The following SPIDR variants were observed in gnomAD, a reference collection of about 807,000 sequenced individuals.
SPIDR encodes the protein DNA repair-scaffolding protein.
A neutral mutation model predicts 104.6 loss-of-function variants in SPIDR; 93 were observed. The ratio of observed to expected loss-of-function variants is 0.89; its 90% CI spans 0.75 to 1.06. The LOEUF (loss-of-function observed/expected upper bound fraction) is 1.06, where lower values mean the gene tolerates loss of function less well. Ranked by LOEUF, SPIDR falls within the 50% of genes least tolerant of loss-of-function variation. SPIDR has a pLI of 0.00. For synonymous variants in SPIDR, 431 were observed against 416.9 expected (o/e 1.03, Z -0.41); for missense variants, 1,154 against 1,111.2 (o/e 1.04, Z -0.55).
intron 8 of SPIDR, among the ~76,000 whole-genome samples, chr8:47,502,153 C>T (rs1045461535): frequency 2.6e-5 from 4 of 152,194 alleles, no homozygotes; most frequent in Non-Finnish European, 4.4e-5. Context: ...ATGCTGGCCT[C>T]ATAAAATGAG....
chr8:47,494,060 C>T (rs1316092728), intron 8 of SPIDR, among the ~76,000 whole-genome samples: 1 of 151,810 alleles, frequency 6.6e-6, no homozygotes, highest in East Asian at 2.0e-4. Flanking sequence ...ACAGTTATAC[C>T]TCACTGCAGC....
At chr8:47,396,831 G>A (rs563232676) in intron 6 of SPIDR, among the ~76,000 whole-genome samples, 6 of 152,170 alleles carry the variant, frequency 3.9e-5, no homozygotes, top group Non-Finnish European at 8.8e-5. Context: ...ATTTATTTGG[G>A]TTATCAAATG....
rs1323727737 is a variant in SPIDR at position 47,260,976 on chromosome 8, C to G, written c.18C>G (p.Arg6=). MPRGS[R]ARGSKRKRSW... is the part of the protein sequence containing the mutation. ...TCCCGGAGATGCCCCGCGGCAGCCG[C>G]GCTCGGGGCTCTAAGGTAGGCTCTG... The change falls in exon 1 of 20, where the codon CGC becomes CGG. Residue 6 remains arginine (R), a synonymous_variant. Coordinates refer to ENST00000297423, the MANE Select transcript of SPIDR (RefSeq NM_001080394.4). 1 of 1,230,434 alleles carries G rather than the reference C, an allele frequency of 8.1e-7. No individual in the cohort carries two copies. The highest frequency in any genetic ancestry group is 1.0e-6 in the Non-Finnish European group (1 of 986,884). 76.2% of individuals were successfully genotyped at this position (1,230,434 alleles called of 1,614,324 possible).
At chr8:47,530,945 G>C (rs1229771548) in intron 8 of SPIDR, among the ~76,000 whole-genome samples, 1 of 150,504 alleles carries the variant, frequency 6.6e-6, no homozygotes, top group Admixed American at 6.6e-5. Flanking sequence ...GCAAGGTTGT[G>C]CATCCCCCAG....
intron 8 of SPIDR, among the ~76,000 whole-genome samples, chr8:47,526,792 A>G (rs749576308): frequency 3.3e-5 from 5 of 152,224 alleles, no homozygotes; most frequent in African/African-American, 4.8e-5. Context: ...TGTCTTCACA[A>G]TAAGAAAAAG....
intron 3 of SPIDR, among the ~76,000 whole-genome samples, chr8:47,289,486 A>G (rs2039503384): frequency 6.6e-6 from 1 of 152,208 alleles, no homozygotes; most frequent in Non-Finnish European, 1.5e-5. Flanking sequence ...TTAGGTATAT[A>G]TTCCTTTTCT....
intron 8 of SPIDR, among the ~76,000 whole-genome samples, chr8:47,461,693 C>T (rs937420282): frequency 1.5e-4 from 23 of 151,956 alleles, no homozygotes; most frequent in Non-Finnish European, 3.1e-4. Context: ...GAGGTTGTTT[C>T]TTCTGCTTGT....
intron 8 of SPIDR, among the ~76,000 whole-genome samples, chr8:47,578,064 A>G (rs1308469995): frequency 6.6e-6 from 1 of 152,228 alleles, no homozygotes; most frequent in Non-Finnish European, 1.5e-5. Context: ...TAACTTAAAG[A>G]CTAATCATAA....
At chr8:47,484,672 C>T (rs1465785146) in intron 8 of SPIDR, among the ~76,000 whole-genome samples, 2 of 152,144 alleles carry the variant, frequency 1.3e-5, no homozygotes, top group Non-Finnish European at 2.9e-5. Flanking sequence ...AAGCTGATAC[C>T]AGACACAATT....
intron 8 of SPIDR, among the ~76,000 whole-genome samples, chr8:47,513,604 T>C (rs920539410): frequency 8.5e-5 from 13 of 152,186 alleles, no homozygotes; most frequent in African/African-American, 2.9e-4. Context: ...GTCATGTTGC[T>C]GGTGAGGAAT....
At chr8:47,419,764 A>C (rs1287572734) in intron 7 of SPIDR, among the ~76,000 whole-genome samples, 6 of 152,092 alleles carry the variant, frequency 3.9e-5, no homozygotes, top group African/African-American at 7.2e-5. Context: ...TTAGTGCTAT[A>C]AATTTCCCTC....
chr8:47,482,798 C>G (rs2077045038), intron 8 of SPIDR, among the ~76,000 whole-genome samples: 1 of 152,046 alleles, frequency 6.6e-6, no homozygotes, highest in African/African-American at 2.4e-5. Flanking sequence ...CCCTCCCCAC[C>G]TGAGTCCTCA....
intron 6 of SPIDR, among the ~76,000 whole-genome samples, chr8:47,399,609 C>T (rs1283413412): frequency 2.0e-5 from 3 of 152,152 alleles, no homozygotes; most frequent in South Asian, 4.1e-4. Flanking sequence ...GTTGGGAAGT[C>T]GTGGTCATGG....
intron 19 of SPIDR, among the ~76,000 whole-genome samples, chr8:47,735,095 G>GGTGTGT (rs146992468): frequency 2.7e-5 from 4 of 146,042 alleles, no homozygotes; most frequent in African/African-American, 7.7e-5. Context: ...TGGGTGTGTG[G>GGTGTGT]GTGTGTGTGT....
intron 8 of SPIDR, among the ~76,000 whole-genome samples, chr8:47,441,376 T>C (rs577817114): frequency 7.2e-5 from 11 of 152,214 alleles, no homozygotes; most frequent in Non-Finnish European, 1.5e-4. Flanking sequence ...TTCTCTTATA[T>C]AAAATGGGCT....
intron 8 of SPIDR, among the ~76,000 whole-genome samples, chr8:47,562,361 A>G (rs1564340426): frequency 6.6e-6 from 1 of 152,202 alleles, no homozygotes; most frequent in Non-Finnish European, 1.5e-5. Flanking sequence ...GAGGCTGAGG[A>G]CATCAGAGTC....
intron 8 of SPIDR, among the ~76,000 whole-genome samples, chr8:47,498,911 A>G (rs1279848489): frequency 3.3e-5 from 5 of 152,204 alleles, no homozygotes; most frequent in African/African-American, 7.2e-5. Flanking sequence ...TTGATGACGT[A>G]CTGAATAAAC....
intron 14 of SPIDR, among the ~76,000 whole-genome samples, chr8:47,707,436 T>C (rs1425420639): frequency 2.6e-5 from 4 of 152,154 alleles, no homozygotes; most frequent in African/African-American, 4.8e-5. Context: ...GGGTTGCTTG[T>C]TTGTTGGTTT....
chr8:47,589,780 A>AT (rs1564411965), intron 8 of SPIDR, among the ~76,000 whole-genome samples: 1 of 151,852 alleles, frequency 6.6e-6, no homozygotes, highest in African/African-American at 2.4e-5. Flanking sequence ...GCCTTTTTTC[A>AT]TTTTTTAGTC....
Sources: gnomAD v4.1 joint callset for allele counts (sites outside exome capture counted in the v4.1 genomes callset) on GRCh38, gnomAD v4.1.1 for gene constraint, MANE v1.5 for transcripts, NCBI Gene and HGNC (gene_info 2026-07-23, HGNC 2026-07-21) for gene names.